RANBP2: variants seen among roughly 807,000 people sequenced by gnomAD.
The protein encoded by RANBP2 is E3 SUMO-protein ligase RanBP2.
Under a neutral mutation model 303.6 loss-of-function variants are expected in RANBP2, and 57 were observed. The observed-to-expected ratio is 0.19, with a 90% CI of 0.15 to 0.23. RANBP2 has a LOEUF of 0.23. Ranked by LOEUF, RANBP2 falls within the 10% of genes least tolerant of loss-of-function variation. The probability of loss-of-function intolerance (pLI) is 1.00; values close to 1 mark genes in which losing one functional copy is unlikely to be tolerated. For synonymous variants in RANBP2, 1,167 were observed against 1,301.5 expected (o/e 0.90, Z 2.23); for missense variants, 3,138 against 3,780.8 (o/e 0.83, Z 4.46).
chr2:109,235,277 T>C, the RANBP2 span, among the ~76,000 whole-genome samples: 1 of 152,182 alleles, frequency 6.6e-6, no homozygotes, highest in East Asian at 1.9e-4. Context: ...GGGCCAAGAA[T>C]TCTCACTGCA....
chr2:109,681,626 C>T, the RANBP2 span, among the ~76,000 whole-genome samples: 60 of 152,348 alleles, frequency 3.9e-4, no homozygotes, highest in African/African-American at 1.4e-3. Context: ...ATGAGTCCCA[C>T]AGCACCGAGG....
the RANBP2 span, chr2:108,907,852 A>T: frequency 6.2e-7 from 1 of 1,613,338 alleles, no homozygotes; most frequent in Admixed American, 1.7e-5. Context: ...CACCTGCAGG[A>T]GCCTCACCCC....
At chr2:109,338,031 C>G in the RANBP2 span, among the ~76,000 whole-genome samples, 1 of 152,088 alleles carries the variant, frequency 6.6e-6, no homozygotes. Context: ...CGCGCCCAGG[C>G]TCCTTCTGTT....
the RANBP2 span, among the ~76,000 whole-genome samples, chr2:109,021,446 C>T: frequency 2.0e-5 from 3 of 149,794 alleles, no homozygotes; most frequent in African/African-American, 4.9e-5. Flanking sequence ...TGGCGTGAAC[C>T]CGGGAGGCGG....
chr2:109,539,087 C>T, the RANBP2 span, among the ~76,000 whole-genome samples: 150 of 152,146 alleles, frequency 9.9e-4, no homozygotes, highest in African/African-American at 3.6e-3. Flanking sequence ...CTCATGAGGT[C>T]AGGAGTTCAA....
the RANBP2 span, among the ~76,000 whole-genome samples, chr2:109,070,706 A>T: frequency 6.6e-6 from 1 of 152,086 alleles, no homozygotes; most frequent in Non-Finnish European, 1.5e-5. Context: ...TAAAAATAGA[A>T]ATATTAGGCG....
In RANBP2 at chr2:108,752,014, C is replaced by T; in HGVS notation, c.1755+20C>T. 3.1e-6 allele frequency: 5 copies of T among 1,611,238 alleles called. No homozygotes were observed. Among genetic ancestry groups the T allele is most frequent in the Non-Finnish European group, 4.2e-6 (5 of 1,179,716 alleles). ...AAAACGGTGAGTTTTAAAGTATAAG[C>T]ATTTTTAAAGAACATTACCTTAATT... is the stretch of plus-strand genomic sequence containing the variant. On this transcript the variant is annotated intron_variant, in intron 12 of 28. Transcript: ENST00000283195.
At chr2:109,225,332 A>G in the RANBP2 span, among the ~76,000 whole-genome samples, 2 of 152,252 alleles carry the variant, frequency 1.3e-5, no homozygotes, top group African/African-American at 2.4e-5. Flanking sequence ...GAGACCTGCA[A>G]GTAACCAAGG....
chr2:109,091,806 T>C, the RANBP2 span, among the ~76,000 whole-genome samples: 1 of 152,196 alleles, frequency 6.6e-6, no homozygotes, highest in African/African-American at 2.4e-5. Context: ...CCTGGGAAGA[T>C]GTCCCTTAAC....
the RANBP2 span, among the ~76,000 whole-genome samples, chr2:109,713,785 G>A: frequency 6.6e-6 from 1 of 152,180 alleles, no homozygotes; most frequent in Non-Finnish European, 1.5e-5. Flanking sequence ...CATCATGATT[G>A]AAAGCTCTCA....
the RANBP2 span, among the ~76,000 whole-genome samples, chr2:109,068,779 C>T: frequency 6.6e-6 from 1 of 152,178 alleles, no homozygotes; most frequent in African/African-American, 2.4e-5. Flanking sequence ...AGTTGGAATA[C>T]CATTTGTTTT....
At chr2:109,113,883 T>C in the RANBP2 span, among the ~76,000 whole-genome samples, 1 of 152,258 alleles carries the variant, frequency 6.6e-6, no homozygotes, top group African/African-American at 2.4e-5. Flanking sequence ...TCTGCATCTA[T>C]TGAGATAATC....
At chr2:109,060,431 A>G in the RANBP2 span, among the ~76,000 whole-genome samples, 1 of 152,096 alleles carries the variant, frequency 6.6e-6, no homozygotes, top group Admixed American at 6.5e-5. Context: ...CCATGGCCAC[A>G]CCCAGGTCCC....
the RANBP2 span, among the ~76,000 whole-genome samples, chr2:109,580,379 T>C: frequency 6.8e-6 from 1 of 147,638 alleles, no homozygotes; most frequent in Non-Finnish European, 1.5e-5. Context: ...GGTGAAAGCA[T>C]ATATTAATGA....
chr2:109,188,317 G>C, the RANBP2 span, among the ~76,000 whole-genome samples: 2 of 152,200 alleles, frequency 1.3e-5, no homozygotes, highest in African/African-American at 4.8e-5. Context: ...AATGGAAGCT[G>C]TCTGGCCTGG....
At chr2:109,038,029 G>A in the RANBP2 span, among the ~76,000 whole-genome samples, 5 of 152,232 alleles carry the variant, frequency 3.3e-5, no homozygotes, top group African/African-American at 4.8e-5. Flanking sequence ...GGAGGAGCCA[G>A]TCTATCTCAC....
chr2:109,423,165 C>G, the RANBP2 span, among the ~76,000 whole-genome samples: 3 of 152,008 alleles, frequency 2.0e-5, no homozygotes, highest in African/African-American at 4.8e-5. Context: ...GGAGTCCTAT[C>G]CAGGAGCCCA....
the RANBP2 span, among the ~76,000 whole-genome samples, chr2:109,152,781 C>G: frequency 6.6e-6 from 1 of 152,160 alleles, no homozygotes; most frequent in African/African-American, 2.4e-5. Context: ...CTCCCAGGCC[C>G]GATGGCCTGA....
At chr2:109,567,920 C>G in the RANBP2 span, 1 of 1,613,860 alleles carries the variant, frequency 6.2e-7, no homozygotes, top group Non-Finnish European at 8.5e-7. Flanking sequence ...TCTTAAACTT[C>G]TGTAATTCAG....
Sources: allele counts gnomAD v4.1 joint callset (sites outside exome capture counted in the v4.1 genomes callset), GRCh38; gene constraint gnomAD v4.1.1; transcripts MANE v1.5; gene names NCBI Gene and HGNC (gene_info 2026-07-23, HGNC 2026-07-21).